PRKAG2: variants seen among roughly 807,000 people sequenced by gnomAD.
PRKAG2 encodes protein kinase AMP-activated non-catalytic subunit gamma 2.
In PRKAG2, 26 loss-of-function variants were observed where a neutral mutation model predicts 69.6. That is an observed-to-expected ratio of 0.37 (90% CI 0.27 to 0.52). PRKAG2 has a LOEUF of 0.52. Ranked by LOEUF, PRKAG2 falls within the 20% of genes least tolerant of loss-of-function variation. PRKAG2 has a pLI of 0.90. For missense variants in PRKAG2, 557 were observed against 740.0 expected (o/e 0.75, Z 2.87); for synonymous variants, 293 against 285.0 (o/e 1.03, Z -0.28).
intron 1 of PRKAG2, among the ~76,000 whole-genome samples, chr7:151,844,836 A>G (rs1219064713): frequency 1.3e-5 from 2 of 152,208 alleles, no homozygotes; most frequent in Non-Finnish European, 2.9e-5. Context: ...TGGATGAATA[A>G]ATCGGTATCA....
At chr7:151,607,645 C>T (rs1180414903) in intron 5 of PRKAG2, among the ~76,000 whole-genome samples, 2 of 152,198 alleles carry the variant, frequency 1.3e-5, no homozygotes, top group Non-Finnish European at 2.9e-5. Flanking sequence ...ACCTTTCCAG[C>T]CTCATCTCCT....
intron 1 of PRKAG2, among the ~76,000 whole-genome samples, chr7:151,800,530 C>T (rs560444051): frequency 1.9e-4 from 29 of 152,266 alleles, no homozygotes; most frequent in Admixed American, 3.9e-4. Context: ...CCTTCGAACA[C>T]ATCCAGGTGG....
chr7:151,759,067 A>ACCTGGAAT (rs2075268586), intron 3 of PRKAG2, among the ~76,000 whole-genome samples: 1 of 151,932 alleles, frequency 6.6e-6, no homozygotes, highest in Non-Finnish European at 1.5e-5. Context: ...CTCAATTAAA[A>ACCTGGAAT]CCTGGAATCC....
chr7:151,760,295 G>A (rs974548720), intron 3 of PRKAG2, among the ~76,000 whole-genome samples: 1 of 152,190 alleles, frequency 6.6e-6, no homozygotes, highest in African/African-American at 2.4e-5. Context: ...AGAGTGCAAT[G>A]GCAGGATCTC....
At chr7:151,839,158 C>A (rs2079218121) in intron 1 of PRKAG2, among the ~76,000 whole-genome samples, 1 of 152,350 alleles carries the variant, frequency 6.6e-6, no homozygotes, top group South Asian at 2.1e-4. Flanking sequence ...AGCCCCACCC[C>A]AACCAGGGCT....
At chr7:151,767,662 T>G (rs1257437139) in intron 3 of PRKAG2, among the ~76,000 whole-genome samples, 1 of 152,234 alleles carries the variant, frequency 6.6e-6, no homozygotes, top group Non-Finnish European at 1.5e-5. Flanking sequence ...ACACCTGTCA[T>G]GATTTGTAGT....
In PRKAG2 at chr7:151,732,817, C is replaced by T. The variant is rs565761172; in HGVS notation, c.466+48335G>A. ...CAGCAATTCTCCTGTCTCAGCCTCC[C>T]GAGCAGCTGGGATTACAGGCACCTG... On this transcript the variant is annotated intron_variant, in intron 3 of 15. Transcript: ENST00000287878. 7.9e-5 allele frequency among the ~76,000 whole-genome samples: 12 copies of T among 152,212 alleles called. No homozygotes were observed. In the South Asian group the frequency reaches 8.3e-4, roughly 11 times the overall value.
chr7:151,704,594 T>C (rs1367225041), intron 3 of PRKAG2, among the ~76,000 whole-genome samples: 1 of 152,208 alleles, frequency 6.6e-6, no homozygotes, highest in African/African-American at 2.4e-5. Context: ...ATTCTATACA[T>C]ATGTTCCCCA....
Position 151,632,500 on chromosome 7 carries a change from G to T in PRKAG2, c.685-362C>A. 1.1e-6 allele frequency: 1 copy of T among 886,058 alleles called. No individual in the cohort carries two copies. The highest frequency in any genetic ancestry group is 1.4e-6 in the Non-Finnish European group (1 of 740,126). 54.9% of individuals were successfully genotyped at this position (886,058 alleles called of 1,614,324 possible). ...GCGCCCCCCTCCGGCCGTGGCCCGC[G>T]TCCTCCCCGCCGTGCCGCCATTGGG... On this transcript the variant is annotated intron_variant, in intron 4 of 15. Coordinates refer to ENST00000287878, the MANE Select transcript of PRKAG2 (RefSeq NM_016203.4). This position sits in a 1 kb window ranked among gnomAD's most constrained non-coding sequence, Gnocchi z 4.2.
At chr7:151,560,761 A>G (rs1185715246) in intron 14 of PRKAG2, 144 bp from the exon 15 acceptor site, 2 of 1,146,588 alleles carry the variant, frequency 1.7e-6, no homozygotes, top group Non-Finnish European at 2.5e-6. Context: ...CATCTCTACA[A>G]AAACATTAGA....
rs749753053 is a variant in PRKAG2, at chr7:151,675,469, G to A, written c.635C>T (p.Pro212Leu). The change falls in exon 4 of 16, where the codon CCG becomes CTG. Residue 212 changes from proline (P) to leucine (L), a missense_variant. Physicochemically the swap from Pro to Leu is moderately conservative, Grantham distance 98. Around this residue, in one of 2 missense-constraint regions of PRKAG2, gnomAD observed 352 missense variants for 356.7 expected, o/e 0.99. Transcript: ENST00000287878. ...CGGTGATGCCAGTGGAGGCCTGGTC[G>A]GGCTCTGGAAGGAAGACGGGCAGAA... is the stretch of plus-strand genomic sequence containing the variant. ...QRFCPSSFQS[P>L]TRPPLASPTH... The A allele has an allele frequency of 1.1e-5, 18 of 1,614,032 alleles. No individual in the cohort carries two copies. Among genetic ancestry groups the A allele is most frequent in the East Asian group, 4.5e-5 (2 of 44,878 alleles).
chr7:151,864,804 C>T lies in PRKAG2; in HGVS notation c.114+11703G>A, dbSNP rs74959357. The stretch of plus-strand genomic sequence containing the variant: ...AGGCCCCATCACTGCTCTGCACGCC[C>T]CTCACCCACAGCCCCTTAAAGCCAC... On this transcript the variant is annotated intron_variant, in intron 1 of 15. Transcript: ENST00000287878. 8.5e-3 allele frequency among the ~76,000 whole-genome samples: 1,297 copies of T among 152,244 alleles called. 21 individuals carry two copies. Among genetic ancestry groups the T allele is most frequent in the African/African-American group, 0.027 (1,104 of 41,534 alleles).
At chr7:151,732,750 T>A (rs1363511889) in intron 3 of PRKAG2, among the ~76,000 whole-genome samples, 1 of 152,130 alleles carries the variant, frequency 6.6e-6, no homozygotes, top group Non-Finnish European at 1.5e-5. Context: ...TAGAGTGCAA[T>A]GGCATAATCT....
intron 5 of PRKAG2, among the ~76,000 whole-genome samples, chr7:151,604,664 A>C (rs2058499): frequency 0.036 from 5,452 of 152,144 alleles, 321 homozygotes; most frequent in African/African-American, 0.13. Flanking sequence ...ACATACACAC[A>C]CACCCCAACA....
In PRKAG2 at chr7:151,736,147, GC is replaced by G. The variant is rs910217418; in HGVS notation, c.466+45004del. ...AGTGGCAGCCTGTGCTCAGGTGACAGCCCGGGTTCAAGCGTCCTCACCAGGG... is the reference window on the plus strand; with the variant it reads ...AGTGGCAGCCTGTGCTCAGGTGACAGCCGGGTTCAAGCGTCCTCACCAGGG... On this transcript the variant is annotated intron_variant, in intron 3 of 15. Transcript: ENST00000287878. 507 of 1,456,912 alleles carry G rather than the reference GC, an allele frequency of 3.5e-4. 2 individuals carry two copies. Among genetic ancestry groups the G allele is most frequent in the Non-Finnish European group, 4.2e-4 (462 of 1,107,668 alleles). 90.2% of individuals were successfully genotyped at this position (1,456,912 alleles called of 1,614,324 possible).
At chr7:151,694,079 G>A (rs999640464) in intron 3 of PRKAG2, among the ~76,000 whole-genome samples, 6 of 152,070 alleles carry the variant, frequency 3.9e-5, no homozygotes, top group African/African-American at 1.4e-4. Context: ...TTACCATGTT[G>A]GCCAGGCTGG....
Position 151,675,656 on chromosome 7 carries a change from G to A in PRKAG2, c.467-19C>T. 1 of 1,599,524 alleles carries A rather than the reference G, an allele frequency of 6.3e-7. No individual in the cohort carries two copies. The highest frequency in any genetic ancestry group is 8.6e-7 in the Non-Finnish European group (1 of 1,166,782). ...CCGGAGGCTGCAGAAGAAACACCAA[G>A]GACGGTCAGAGGTCCGGCTTCCAGG... On this transcript the variant is annotated intron_variant, in intron 3 of 15. Coordinates refer to ENST00000287878, the MANE Select transcript of PRKAG2 (RefSeq NM_016203.4).
intron 3 of PRKAG2, among the ~76,000 whole-genome samples, chr7:151,691,675 A>G (rs1025048417): frequency 1.2e-4 from 18 of 152,242 alleles, no homozygotes; most frequent in African/African-American, 3.9e-4. Context: ...CTAAGTGCTG[A>G]CAATGATTTG....
At chr7:151,683,938 A>G (rs1226075662) in intron 3 of PRKAG2, among the ~76,000 whole-genome samples, 5 of 152,072 alleles carry the variant, frequency 3.3e-5, no homozygotes, top group Non-Finnish European at 5.9e-5. Context: ...CACTGCTTCA[A>G]TGTTTTGGCC....
Sources: allele counts gnomAD v4.1 joint callset (sites outside exome capture counted in the v4.1 genomes callset), GRCh38; gene constraint gnomAD v4.1.1; regional missense constraint gnomAD v4.1.1; non-coding constraint Gnocchi (gnomAD v3.1); transcripts MANE v1.5; gene names NCBI Gene and HGNC (gene_info 2026-07-23, HGNC 2026-07-21).